IL1RAPL2: variants seen among roughly 807,000 people sequenced by gnomAD.
The protein encoded by IL1RAPL2 is interleukin 1 receptor accessory protein like 2, also known as X-linked interleukin-1 receptor accessory protein-like 2.
Under a neutral mutation model 44.1 loss-of-function variants are expected in IL1RAPL2, and 3 were observed. The observed-to-expected ratio is 0.07, with a 90% confidence interval of 0.03 to 0.18. The LOEUF is 0.18. Among genes scored for constraint, IL1RAPL2 ranks in the 10% least tolerant of loss-of-function variants. The probability of loss-of-function intolerance (pLI) is 1.00; values close to 1 mark genes in which losing one functional copy is unlikely to be tolerated. For missense variants in IL1RAPL2, 391 were observed against 496.4 expected, an observed-to-expected ratio of 0.79 and a Z score of 2.02; for synonymous variants, 181 against 178.8, an observed-to-expected ratio of 1.01 and a Z score of -0.10.
At chrX:105,447,656 A>AAC (rs2035978241) in intron 5 of IL1RAPL2, among the ~76,000 whole-genome samples, 4 of 77,322 alleles carry the variant, frequency 5.2e-5, no homozygotes, top group African/African-American at 2.5e-4. Flanking sequence ...TATAAATATA[A>AAC]ATAAATATAA....
At chrX:105,446,200 G>C (rs1396096184) in intron 5 of IL1RAPL2, among the ~76,000 whole-genome samples, 1 of 110,864 alleles carries the variant, frequency 9.0e-6, no homozygotes, top group Non-Finnish European at 1.9e-5. Context: ...TCTGATATTG[G>C]TGTAGCTATT....
At chrX:105,127,316 C>G (rs2032984159) in intron 2 of IL1RAPL2, among the ~76,000 whole-genome samples, 1 of 111,228 alleles carries the variant, frequency 9.0e-6, no homozygotes, top group African/African-American at 3.2e-5. Context: ...GTATTGCCAG[C>G]TACCTCCCCA....
intron 2 of IL1RAPL2, among the ~76,000 whole-genome samples, chrX:104,671,751 G>A (rs771240064): frequency 1.8e-5 from 2 of 111,798 alleles, no homozygotes; most frequent in Admixed American, 1.9e-4. Flanking sequence ...TGGCACCCTA[G>A]CAGTCTTTAG....
At chrX:104,994,945 ACT>A (rs1353299733) in intron 2 of IL1RAPL2, among the ~76,000 whole-genome samples, 1 of 109,788 alleles carries the variant, frequency 9.1e-6, no homozygotes, top group Non-Finnish European at 1.9e-5. Context: ...GGTATTTCAG[ACT>A]CTCAAGTAGA....
intron 2 of IL1RAPL2, among the ~76,000 whole-genome samples, chrX:104,826,409 C>T (rs1421357010): frequency 1.8e-5 from 2 of 111,708 alleles, no homozygotes; most frequent in East Asian, 5.6e-4. Context: ...CAGTTTCCAA[C>T]TAGTTGTGTG....
intron 2 of IL1RAPL2, among the ~76,000 whole-genome samples, chrX:104,947,175 A>T (rs1656988739): frequency 8.9e-6 from 1 of 112,016 alleles, no homozygotes; most frequent in Non-Finnish European, 1.9e-5. Context: ...AGTGATGATG[A>T]GCATGTTTTC....
At chrX:105,015,729 G>A (rs758421745) in intron 2 of IL1RAPL2, among the ~76,000 whole-genome samples, 4 of 111,412 alleles carry the variant, frequency 3.6e-5, no homozygotes, top group Non-Finnish European at 7.5e-5. Context: ...TTGTAGTATT[G>A]TTTGAAGTCA....
intron 5 of IL1RAPL2, among the ~76,000 whole-genome samples, chrX:105,293,566 G>A (rs1372605654): frequency 1.8e-5 from 2 of 111,891 alleles, no homozygotes; most frequent in Admixed American, 9.5e-5. Flanking sequence ...TGAGCATATA[G>A]GGAAAAAATT....
intron 7 of IL1RAPL2, among the ~76,000 whole-genome samples, chrX:105,735,014 C>T (rs904056976): frequency 2.7e-5 from 3 of 111,605 alleles, no homozygotes; most frequent in African/African-American, 9.8e-5. Flanking sequence ...GCCTTTCTCT[C>T]AACTTTCTGG....
At chrX:105,375,697 A>G (rs1405371944) in intron 5 of IL1RAPL2, among the ~76,000 whole-genome samples, 11 of 112,390 alleles carry the variant, frequency 9.8e-5, no homozygotes, top group African/African-American at 3.6e-4. Context: ...TGCTTTCAAG[A>G]TATTTTTCTA....
chrX:104,672,417 G>T (rs1226069735), intron 2 of IL1RAPL2, among the ~76,000 whole-genome samples: 1 of 110,706 alleles, frequency 9.0e-6, no homozygotes, highest in African/African-American at 3.3e-5. Flanking sequence ...CCATAAAAAG[G>T]ACATGAACTC....
At chrX:105,049,353 A>G (rs1011796394) in intron 2 of IL1RAPL2, among the ~76,000 whole-genome samples, 4 of 111,620 alleles carry the variant, frequency 3.6e-5, no homozygotes, top group Non-Finnish European at 7.5e-5. Flanking sequence ...AGAAATGGAA[A>G]CATATAGCAA....
chrX:104,999,226 C>T (rs781276358), intron 2 of IL1RAPL2, among the ~76,000 whole-genome samples: 5 of 111,812 alleles, frequency 4.5e-5, no homozygotes, highest in Non-Finnish European at 9.4e-5. Context: ...GGAACAGGGA[C>T]ACACCATCCA....
intron 2 of IL1RAPL2, among the ~76,000 whole-genome samples, chrX:104,827,449 G>T (rs1443564241): frequency 6.3e-5 from 7 of 110,918 alleles, no homozygotes; most frequent in Non-Finnish European, 1.3e-4. Flanking sequence ...ATTAAATATT[G>T]TCCCCCACTC....
chrX:104,808,244 C>T (rs1359838289), intron 2 of IL1RAPL2, among the ~76,000 whole-genome samples: 1 of 112,134 alleles, frequency 8.9e-6, no homozygotes, highest in Non-Finnish European at 1.9e-5. Context: ...CTGTGGGTTG[C>T]TTAAACAATA....
In IL1RAPL2 at chrX:105,760,771, C is replaced by T. The variant is rs188084629; in HGVS notation, c.1363+5424C>T. On this transcript the variant is annotated intron_variant, in intron 10 of 10. Coordinates refer to ENST00000372582, the MANE Select transcript of IL1RAPL2 (RefSeq NM_017416.2). ...ATTAGGACCCTCATACTATAGAGAA[C>T]AAAACTCCTGCCTAAGAAATTTAGC... Among the ~76,000 whole-genome samples, 27 of 112,192 alleles carry T rather than the reference C, an allele frequency of 2.4e-4. No individual in the cohort carries two copies. The Admixed American group carries it at 2.5e-3, about 10-fold the overall frequency.
At chrX:105,143,896 G>A (rs931317903) in intron 2 of IL1RAPL2, among the ~76,000 whole-genome samples, 4 of 110,129 alleles carry the variant, frequency 3.6e-5, no homozygotes, top group Admixed American at 9.7e-5. Context: ...GTTAAACGAC[G>A]AGTTAATGGG....
intron 3 of IL1RAPL2, among the ~76,000 whole-genome samples, chrX:105,208,741 T>A (rs1353002201): frequency 8.9e-6 from 1 of 112,079 alleles, no homozygotes; most frequent in Non-Finnish European, 1.9e-5. Flanking sequence ...TATACATTTT[T>A]AATTTTTTAT....
chrX:105,063,905 C>T (rs1045549072), intron 2 of IL1RAPL2, among the ~76,000 whole-genome samples: 8 of 111,945 alleles, frequency 7.1e-5, no homozygotes, highest in Admixed American at 5.7e-4. Flanking sequence ...ACAGAGACTC[C>T]TTCTCTGTGC....
Sources: allele counts gnomAD v4.1 joint callset (sites outside exome capture counted in the v4.1 genomes callset), GRCh38; gene constraint gnomAD v4.1.1; transcripts MANE v1.5; gene names NCBI Gene and HGNC (gene_info 2026-07-23, HGNC 2026-07-21).